The following CLEC12A variants were observed in gnomAD, a reference collection of about 807,000 sequenced individuals.
The protein encoded by CLEC12A is C-type lectin protein CLL-1.
Under a neutral mutation model 26.5 loss-of-function variants are expected in CLEC12A, and 22 were observed. That is an observed-to-expected ratio of 0.83 (90% CI 0.59 to 1.19). The LOEUF (loss-of-function observed/expected upper bound fraction) is 1.19, where lower values mean the gene tolerates loss of function less well. Among genes scored for constraint, CLEC12A ranks in the 50% most tolerant of loss-of-function variants. The pLI is 0.00. For synonymous variants in CLEC12A, 119 were observed against 101.9 expected, an observed-to-expected ratio of 1.17 and a Z score of -1.01; for missense variants, 353 against 315.6, an observed-to-expected ratio of 1.12 and a Z score of -0.90.
At chr12:10,000,910 A>C in the CLEC12A span, among the ~76,000 whole-genome samples, 1 of 152,342 alleles carries the variant, frequency 6.6e-6, no homozygotes, top group East Asian at 1.9e-4. Context: ...AAATATACAG[A>C]AACACTAAAA....
intron 1 of CLEC12A, among the ~76,000 whole-genome samples, chr12:9,956,786 T>C (rs1338597902): frequency 6.6e-6 from 1 of 152,182 alleles, no homozygotes; most frequent in Non-Finnish European, 1.5e-5. Flanking sequence ...AAACATTATG[T>C]TTTGGAAGAA....
rs1197132956 is a variant in CLEC12A at position 9,984,521 on chromosome 12, T to G, written c.642-349T>G. 3.3e-5 allele frequency among the ~76,000 whole-genome samples: 5 copies of G among 152,228 alleles called. No homozygotes were observed. In the East Asian group the frequency reaches 9.7e-4, roughly 29 times the overall value. ...ACTTGAGGGAGAAAGGGTCCAAGTC[T>G]TACTACTCCTAGCCAGTTAGACTAG... On this transcript the variant is annotated intron_variant, in intron 5 of 5. Coordinates refer to ENST00000304361, the MANE Select transcript of CLEC12A (RefSeq NM_138337.6).
downstream of CLEC12A, among the ~76,000 whole-genome samples, chr12:9,996,352 A>T (rs753290212): frequency 2.6e-5 from 4 of 152,248 alleles, no homozygotes; most frequent in African/African-American, 4.8e-5. Flanking sequence ...TCAACCTGGC[A>T]TCTGCCTAGA....
At chr12:10,005,697 A>G in the CLEC12A span, among the ~76,000 whole-genome samples, 2 of 152,248 alleles carry the variant, frequency 1.3e-5, no homozygotes, top group Non-Finnish European at 2.9e-5. Flanking sequence ...CTGGTCAGGT[A>G]TATTCACCTG....
Position 9,980,879 on chromosome 12 carries a change from T to C in CLEC12A, c.531+146T>C, listed in dbSNP as rs117182256. On this transcript the variant is annotated intron_variant, in intron 4 of 5. Coordinates refer to ENST00000304361, the MANE Select transcript of CLEC12A (RefSeq NM_138337.6). ...TTTGTACACTTATCTCAAGATATCATAGGCAAGGTAAAACATACAAGTTTA... is the reference window on the plus strand; with the variant it reads ...TTTGTACACTTATCTCAAGATATCACAGGCAAGGTAAAACATACAAGTTTA... The C allele has an allele frequency of 9.5e-3, 7,450 of 782,866 alleles. 85 individuals carry two copies. The highest frequency in any genetic ancestry group is 0.036 in the Admixed American group (1,189 of 33,332). The allele number at this position is 782,866 out of a possible 1,614,324, so 48.5% of individuals were successfully genotyped here. A position where few individuals can be genotyped will look rare whatever the true frequency, so the allele number is the denominator to read the frequency against.
Position 9,984,870 on chromosome 12 carries a change from G to A in CLEC12A, c.642G>A (p.Trp214Ter). 1.3e-6 allele frequency: 2 copies of A among 1,489,574 alleles called. No individual in the cohort carries two copies. Among genetic ancestry groups the A allele is most frequent in the Non-Finnish European group, 1.8e-6 (2 of 1,116,864 alleles). 92.3% of individuals were successfully genotyped at this position (1,489,574 alleles called of 1,614,324 possible). A position where few individuals can be genotyped will look rare whatever the true frequency, so the allele number is the denominator to read the frequency against. ...RVDNIINSSA[W>*]VIRNAPDLNN... ...TGTAATTCTTTACTTTCTCTTTCAG[G>A]GTTATAAGAAACGCACCTGACTTAA... is the stretch of plus-strand genomic sequence containing the variant. Residue 214 changes from tryptophan (W) to a stop codon, truncating the protein, a stop_gained and splice_region_variant, in exon 6 of 6, where the codon TGG becomes TGA. Coordinates refer to ENST00000304361, the MANE Select transcript of CLEC12A (RefSeq NM_138337.6). LOFTEE classifies it low-confidence loss of function (END_TRUNC).
chr12:9,993,746 A>C (rs1394753243), intron 4 of CLEC12A, among the ~76,000 whole-genome samples: 2 of 152,148 alleles, frequency 1.3e-5, no homozygotes. Context: ...ATCAGGATTT[A>C]TGTTGCAAGA....
Position 9,985,419 on chromosome 12 carries a change from A to G in CLEC12A, c.*393A>G. On this transcript the variant is annotated 3_prime_UTR_variant, in exon 6 of 6. Transcript: ENST00000304361. Reference sequence around the variant, plus strand: ...CGTTGCTAGGGTGGCATGGCTCCCCATCTCGGGTCCATCCTATACTTCCAT... The same window carrying G: ...CGTTGCTAGGGTGGCATGGCTCCCCGTCTCGGGTCCATCCTATACTTCCAT... 7.5e-6 allele frequency: 3 copies of G among 401,008 alleles called. No individual in the cohort carries two copies. Among genetic ancestry groups the G allele is most frequent in the Non-Finnish European group, 1.3e-5 (3 of 227,854 alleles). 24.8% of individuals were successfully genotyped at this position (401,008 alleles called of 1,614,324 possible).
intron 4 of CLEC12A, chr12:9,993,188 C>A (rs772928618): frequency 6.2e-7 from 1 of 1,612,376 alleles, no homozygotes; most frequent in Non-Finnish European, 8.5e-7. Context: ...TCCTCTCACA[C>A]ATTAAATAAT....
chr12:9,971,781 A>T, intron 1 of CLEC12A, 94 bp downstream of exon 1: 2 of 1,023,160 alleles, frequency 2.0e-6, no homozygotes, highest in Non-Finnish European at 2.7e-6. Flanking sequence ...TTACTATTCA[A>T]CTTAAATTTT....
At chr12:9,971,757 T>A in intron 1 of CLEC12A, 70 bp downstream of exon 1, 1 of 1,301,830 alleles carries the variant, frequency 7.7e-7, no homozygotes, top group Non-Finnish European at 1.1e-6. Flanking sequence ...GCATCTTCAA[T>A]ATTAGTGATA....
intron 1 of CLEC12A, among the ~76,000 whole-genome samples, chr12:9,962,828 G>GTTT (rs1468394226): frequency 1.3e-5 from 2 of 152,190 alleles, no homozygotes; most frequent in Non-Finnish European, 2.9e-5. Context: ...TTTAGCTTGG[G>GTTT]CTCAGAGGCC....
intron 1 of CLEC12A, among the ~76,000 whole-genome samples, chr12:9,957,718 A>G (rs1370956811): frequency 2.6e-5 from 4 of 152,190 alleles, no homozygotes; most frequent in South Asian, 2.1e-4. Flanking sequence ...AGATGAGCAG[A>G]GGGTTGACTT....
In CLEC12A at chr12:9,952,042, T is replaced by G. The variant is rs1162583052; in HGVS notation, c.10+686T>G. 3 of 150,648 alleles carry G rather than the reference T, an allele frequency of 2.0e-5. No individual in the cohort carries two copies. In the Admixed American group the frequency reaches 2.0e-4, roughly 10 times the overall value. 9.3% of individuals were successfully genotyped at this position (150,648 alleles called of 1,614,324 possible). A position where few individuals can be genotyped will look rare whatever the true frequency, so the allele number is the denominator to read the frequency against. On this transcript the variant is annotated intron_variant, in intron 1 of 6. Transcript: ENST00000355690. Reference sequence around the variant, plus strand: ...TTTGGCTACAGAGTTCTTTGGAGTCTGGAGAGATTTGGCCTTTAAAAATCA... The same window carrying G: ...TTTGGCTACAGAGTTCTTTGGAGTCGGGAGAGATTTGGCCTTTAAAAATCA...
the CLEC12A span, among the ~76,000 whole-genome samples, chr12:10,005,321 T>G: frequency 0.38 from 57,689 of 151,948 alleles, 11,280 homozygotes; most frequent in African/African-American, 0.42. Flanking sequence ...TGAAGAAAAG[T>G]GATATAATCG....
At position 9,982,146 on chromosome 12, in the gene CLEC12A, G is replaced by T. The variant is rs1319751682; in HGVS notation, c.641+17G>T. 2.9e-6 allele frequency: 4 copies of T among 1,371,850 alleles called. No individual in the cohort carries two copies. Among genetic ancestry groups the T allele is most frequent in the Admixed American group, 3.4e-5 (2 of 58,946 alleles). The allele number at this position is 1,371,850 out of a possible 1,614,324, so 85.0% of individuals were successfully genotyped here. A position where few individuals can be genotyped will look rare whatever the true frequency, so the allele number is the denominator to read the frequency against. ...CTCTGCCTGGTAAGTGTCTATTCTT[G>T]TTAGAATTTTATAGCTGGGTTTGAG... On this transcript the variant is annotated intron_variant, in intron 5 of 5. Coordinates refer to ENST00000304361, the MANE Select transcript of CLEC12A (RefSeq NM_138337.6).
chr12:9,996,778 A>T (rs1387937901), downstream of CLEC12A: 1 of 1,534,852 alleles, frequency 6.5e-7, no homozygotes, highest in Non-Finnish European at 9.0e-7. Context: ...AAACAAAAAA[A>T]GGTCAAGTGT....
intron 1 of CLEC12A, among the ~76,000 whole-genome samples, chr12:9,953,591 G>T (rs1353023991): frequency 2.0e-5 from 3 of 150,140 alleles, no homozygotes; most frequent in Non-Finnish European, 4.4e-5. Flanking sequence ...GAGGTGGGGG[G>T]GTCAGCCCCC....
At chr12:9,993,345 A>G in intron 4 of CLEC12A, 1 of 1,452,324 alleles carries the variant, frequency 6.9e-7, no homozygotes, top group Non-Finnish European at 9.6e-7. Context: ...ATCAGTAATC[A>G]GACTCTGCGT....
Sources: allele counts gnomAD v4.1 joint callset (sites outside exome capture counted in the v4.1 genomes callset), GRCh38; gene constraint gnomAD v4.1.1; transcripts MANE v1.5; gene names NCBI Gene and HGNC (gene_info 2026-07-23, HGNC 2026-07-21).